Variants in ZFP37 observed in about 807,000 individuals in gnomAD.
The protein encoded by ZFP37 is ZFP37 zinc finger protein.
A neutral mutation model predicts 52.1 loss-of-function variants in ZFP37; 38 were observed. The ratio of observed to expected loss-of-function variants is 0.73; its 90% confidence interval spans 0.56 to 0.96. The LOEUF is 0.96. Ranked by LOEUF, ZFP37 falls within the 40% of genes least tolerant of loss-of-function variation. The probability of loss-of-function intolerance (pLI) is 0.00; values close to 1 mark genes in which losing one functional copy is unlikely to be tolerated. For synonymous variants in ZFP37, 253 were observed against 259.5 expected (o/e 0.98, Z 0.24); for missense variants, 695 against 741.4 (o/e 0.94, Z 0.73).
rs2274761 is a variant in ZFP37 at position 113,049,555 on chromosome 9, G to A, written c.215-59C>T. ...GAACAACCATCCCAGAAATGAAGCCGCAGCATTTGTACTTCAGGGCCTAAA... is the reference window on the plus strand; with the variant it reads ...GAACAACCATCCCAGAAATGAAGCCACAGCATTTGTACTTCAGGGCCTAAA... On this transcript the variant is annotated intron_variant, in intron 2 of 3. Coordinates refer to ENST00000374227, the MANE Select transcript of ZFP37 (RefSeq NM_003408.3). 45 of 1,567,780 alleles carry A rather than the reference G, an allele frequency of 2.9e-5. No homozygotes were observed. In the African/African-American group the frequency reaches 3.3e-4, roughly 11 times the overall value.
rs751293370 is a variant in ZFP37 at position 113,043,046 on chromosome 9, T to C, written c.1572A>G (p.Lys524=). 2.9e-5 allele frequency: 46 copies of C among 1,613,684 alleles called. No individual in the cohort carries two copies. Among genetic ancestry groups the C allele is most frequent in the Non-Finnish European group, 3.9e-5 (46 of 1,179,956 alleles). The part of the protein sequence containing the change: ...ESPFECNQCG[K]GFKQIEGLTQ... The stretch of plus-strand genomic sequence containing the variant: ...TAAGGCCTTCAATTTGTTTAAAGCC[T>C]TTCCCACATTGATTACATTCAAAGG... Residue 524 remains lysine, a synonymous_variant, in exon 4 of 4, where the codon AAA becomes AAG. Coordinates refer to ENST00000374227, the MANE Select transcript of ZFP37 (RefSeq NM_003408.3).
At chr9:113,053,935 G>A (rs1337918587) in intron 1 of ZFP37, among the ~76,000 whole-genome samples, 3 of 152,182 alleles carry the variant, frequency 2.0e-5, no homozygotes, top group African/African-American at 7.2e-5. Context: ...ACACAGAGTT[G>A]TCTTAATATC....
Position 113,043,437 on chromosome 9 carries a change from T to C in ZFP37, c.1181A>G (p.Gln394Arg), listed in dbSNP as rs1828891070. The C allele has an allele frequency of 6.2e-7, 1 of 1,613,998 alleles. No individual in the cohort carries two copies. Among genetic ancestry groups the C allele is most frequent in the South Asian group, 1.1e-5 (1 of 91,090 alleles). ...KTFRHSSNLI[Q>R]HVRSHTGEKP... ...CTCACCTGTGTGAGATCTCACATGT[T>C]GAATAAGGTTTGAGCTGTGTCTGAA... The change falls in exon 4 of 4, where the codon CAA becomes CGA. Residue 394 changes from glutamine (Q) to arginine (R), a missense_variant. Transcript: ENST00000374227.
chr9:113,044,062 G>C lies in ZFP37; in HGVS notation c.556C>G (p.Gln186Glu), dbSNP rs371784631. Residue 186 changes from glutamine to glutamate, a missense_variant, in exon 4 of 4, where the codon CAG (glutamine) becomes GAG (glutamate). Coordinates refer to ENST00000374227, the MANE Select transcript of ZFP37 (RefSeq NM_003408.3). ...GAGTGATCAGGTAAATCTAAATTCT[G>C]TTTCAAAATTTTTCCACATGACTCA... ...KFESCGKILK[Q>E]NLDLPDHSRN... 5.0e-6 allele frequency: 8 copies of C among 1,609,414 alleles called. No individual in the cohort carries two copies. Among genetic ancestry groups the C allele is most frequent in the Non-Finnish European group, 6.8e-6 (8 of 1,178,928 alleles).
chr9:113,045,929 C>T (rs1261775980), intron 3 of ZFP37, among the ~76,000 whole-genome samples: 1 of 152,024 alleles, frequency 6.6e-6, no homozygotes, highest in Non-Finnish European at 1.5e-5. Context: ...TAAAAATCCC[C>T]ATGACTTCAG....
At chr9:113,054,757 C>A (rs2118722899) in intron 1 of ZFP37, among the ~76,000 whole-genome samples, 1 of 152,350 alleles carries the variant, frequency 6.6e-6, no homozygotes, top group Middle Eastern at 3.4e-3. Flanking sequence ...TTAGTAAGTT[C>A]TATTGCTTAT....
intron 3 of ZFP37, 50 bp downstream of exon 3, chr9:113,049,312 A>C (rs774095175): frequency 6.3e-7 from 1 of 1,595,012 alleles, no homozygotes; most frequent in South Asian, 1.1e-5. Context: ...ATCTTTAAGA[A>C]GAATTTCAGA....
At chr9:113,051,609 A>C (rs1288189732) in intron 1 of ZFP37, among the ~76,000 whole-genome samples, 1 of 151,966 alleles carries the variant, frequency 6.6e-6, no homozygotes, top group Non-Finnish European at 1.5e-5. Flanking sequence ...AGCAACACCC[A>C]TGCCTGACTG....
intron 3 of ZFP37, among the ~76,000 whole-genome samples, chr9:113,044,614 C>T (rs1193840670): frequency 6.6e-6 from 1 of 151,694 alleles, no homozygotes; most frequent in Non-Finnish European, 1.5e-5. Context: ...TCTTATAAGC[C>T]CAAGCTGCCC....
intron 3 of ZFP37, among the ~76,000 whole-genome samples, chr9:113,047,887 G>C (rs1254946714): frequency 2.0e-5 from 3 of 152,198 alleles, no homozygotes; most frequent in Non-Finnish European, 4.4e-5. Flanking sequence ...ATGAGTATAA[G>C]ACAAAGGAAT....
At chr9:113,047,682 T>C (rs1359893756) in intron 3 of ZFP37, among the ~76,000 whole-genome samples, 3 of 152,330 alleles carry the variant, frequency 2.0e-5, no homozygotes, top group Admixed American at 2.0e-4. Context: ...ACCTGATTTG[T>C]GTGATGACAC....
In ZFP37 at chr9:113,049,807, G is replaced by A. The variant is rs1292440367; in HGVS notation, c.198C>T (p.Cys66=). Residue 66 remains cysteine, a synonymous_variant, in exon 2 of 4, where the codon TGC becomes TGT. Transcript: ENST00000374227. ...TGTTCTTACCCATTGAGGCTTGGTT[G>A]CAGTAGTTCTCCAGCATCACATCAT... ...LYNDVMLENY[C]NQASMGCQAP... is the part of the protein sequence containing the mutation. 7 of 1,613,952 alleles carry A rather than the reference G, an allele frequency of 4.3e-6. No homozygotes were observed. The highest frequency in any genetic ancestry group is 1.3e-5 in the African/African-American group (1 of 75,040).
rs561179430 is a variant in ZFP37 at position 113,042,668 on chromosome 9, A to G, written c.*57T>C. The G allele has an allele frequency of 2.8e-6, 4 of 1,427,318 alleles. No homozygotes were observed. Among genetic ancestry groups the G allele is most frequent in the African/African-American group, 1.4e-5 (1 of 69,830 alleles). The allele number at this position is 1,427,318 out of a possible 1,614,324, so 88.4% of individuals were successfully genotyped here. ...CTTTCTAACACTCTTTAAAATCAGC[A>G]TATTTCCAAGGTTCAACAAAACCTT... On this transcript the variant is annotated 3_prime_UTR_variant, in exon 4 of 4. Transcript: ENST00000374227.
At chr9:113,051,765 T>G (rs1184304406) in intron 1 of ZFP37, among the ~76,000 whole-genome samples, 1 of 152,122 alleles carries the variant, frequency 6.6e-6, no homozygotes. Context: ...AGACCACCAT[T>G]CAATTACCTG....
In ZFP37 at chr9:113,043,745, T is replaced by C; in HGVS notation, c.873A>G (p.Lys291=). ...TTCCACATTGATTACATTCATAGGG[T>C]TTCACACAAGCTTGAGGTTTTTCAT... is the stretch of plus-strand genomic sequence containing the variant. The part of the protein sequence containing the change: ...TKHEKPQACV[K]PYECNQCGKV... The change falls in exon 4 of 4, where the codon AAA becomes AAG. Residue 291 remains lysine, a synonymous_variant. Coordinates refer to ENST00000374227, the MANE Select transcript of ZFP37 (RefSeq NM_003408.3). 2 of 1,614,032 alleles carry C rather than the reference T, an allele frequency of 1.2e-6. No homozygotes were observed. Among genetic ancestry groups the C allele is most frequent in the Non-Finnish European group, 1.7e-6 (2 of 1,179,966 alleles).
rs370249321 is a variant in ZFP37, at chr9:113,040,769, A to G, written c.*1956T>C. ...TTAGTTCTGAGGAATAAATGAAATA[A>G]TGTAGGGATTGTGCTTTAAAAAATA... On this transcript the variant is annotated 3_prime_UTR_variant, in exon 4 of 4. Coordinates refer to ENST00000374227, the MANE Select transcript of ZFP37 (RefSeq NM_003408.3). 5.3e-5 allele frequency: 8 copies of G among 152,324 alleles called. No individual in the cohort carries two copies. The highest frequency in any genetic ancestry group is 1.9e-4 in the African/African-American group (8 of 41,574). The allele number at this position is 152,324 out of a possible 1,614,324, so 9.4% of individuals were successfully genotyped here.
intron 2 of ZFP37, 106 bp downstream of exon 2, chr9:113,049,682 AAAG>A: frequency 6.7e-7 from 1 of 1,488,954 alleles, no homozygotes; most frequent in East Asian, 2.3e-5. Flanking sequence ...AGTACCCAAA[AAAG>A]AAGAAAGCCC....
intron 3 of ZFP37, among the ~76,000 whole-genome samples, chr9:113,045,259 C>T (rs2118693720): frequency 6.6e-6 from 1 of 152,230 alleles, no homozygotes; most frequent in Non-Finnish European, 1.5e-5. Context: ...GCTGACATAT[C>T]TTTTCCTTTC....
At chr9:113,050,768 G>C (rs1483070160) in intron 1 of ZFP37, among the ~76,000 whole-genome samples, 1 of 152,040 alleles carries the variant, frequency 6.6e-6, no homozygotes, top group African/African-American at 2.4e-5. Context: ...ATGGTGGCAG[G>C]CACCTGTAAT....
Sources: allele counts gnomAD v4.1 joint callset (sites outside exome capture counted in the v4.1 genomes callset), GRCh38; gene constraint gnomAD v4.1.1; transcripts MANE v1.5; gene names NCBI Gene and HGNC (gene_info 2026-07-23, HGNC 2026-07-21).